RTN4: variants seen among roughly 807,000 people sequenced by gnomAD.
RTN4 encodes the protein reticulon 4, also known as reticulon-4.
A neutral mutation model predicts 90.4 loss-of-function variants in RTN4; 32 were observed. That is an observed-to-expected ratio of 0.35 (90% confidence interval 0.27 to 0.48). The LOEUF (loss-of-function observed/expected upper bound fraction) is 0.48, where lower values mean the gene tolerates loss of function less well. Among genes scored for constraint, RTN4 ranks in the 20% least tolerant of loss-of-function variants. RTN4 has a pLI of 0.99. For synonymous variants in RTN4, 629 were observed against 552.5 expected (o/e 1.14, Z -1.94); for missense variants, 1,706 against 1,430.2 (o/e 1.19, Z -3.11).
At chr2:55,126,127 G>T in the RTN4 span, among the ~76,000 whole-genome samples, 1 of 151,800 alleles carries the variant, frequency 6.6e-6, no homozygotes, top group Admixed American at 6.6e-5. Context: ...ACTTTGGGAG[G>T]CCAAGGAGGG....
chr2:55,039,982 T>A (rs1014958488), intron 1 of RTN4, among the ~76,000 whole-genome samples: 5 of 151,910 alleles, frequency 3.3e-5, no homozygotes, highest in African/African-American at 1.2e-4. Flanking sequence ...GGAACAAGAG[T>A]AAGTTTGGTT....
chr2:55,044,369 C>T lies in RTN4; in HGVS notation c.556+5376G>A, dbSNP rs565777252. Among the ~76,000 whole-genome samples the T allele has an allele frequency of 2.6e-5, 4 of 151,856 alleles. No homozygotes were observed. The South Asian group carries it at 6.2e-4, about 24-fold the overall frequency. On this transcript the variant is annotated intron_variant, in intron 1 of 8. Transcript: ENST00000337526. ...TCATGCCACTGCACTCCAGCCTGAG[C>T]GACAGAGTAAGACTCTGTCTCAAAA...
chr2:55,102,043 CT>C (rs1436799367), intron 1 of RTN4, among the ~76,000 whole-genome samples: 1 of 152,058 alleles, frequency 6.6e-6, no homozygotes, highest in Admixed American at 6.6e-5. Context: ...CAAAAAAAGG[CT>C]TCTGCTTTTA....
At chr2:55,002,044 T>C (rs913212567) in intron 3 of RTN4, among the ~76,000 whole-genome samples, 1 of 148,816 alleles carries the variant, frequency 6.7e-6, no homozygotes, top group Non-Finnish European at 1.5e-5. Context: ...GTCAATCAAA[T>C]CTTATTTTAT....
chr2:55,026,366 T>C lies in RTN4; in HGVS notation c.1733A>G (p.Asp578Gly), dbSNP rs1427402207. 3 of 1,613,930 alleles carry C rather than the reference T, an allele frequency of 1.9e-6. No homozygotes were observed. In the South Asian group the frequency reaches 3.3e-5, roughly 18 times the overall value. Residue 578 changes from aspartate to glycine, a missense_variant, in exon 3 of 9, where the codon GAC becomes GGC. Asp to Gly is a moderately conservative substitution (Grantham distance 94). Coordinates refer to ENST00000337526, the MANE Select transcript of RTN4 (RefSeq NM_020532.5). ...CATAACTTCTGATGTTTGAACCAAG[T>C]CCATTTTTGTTTCATAAGCAATCTT... The part of the protein sequence containing the change: ...GTKIAYETKM[D>G]LVQTSEVMQE...
Position 55,026,166 on chromosome 2 carries a change from T to C in RTN4, c.1933A>G (p.Asn645Asp). Residue 645 changes from asparagine to aspartate, a missense_variant, in exon 3 of 9, where the codon AAT becomes GAT. Coordinates refer to ENST00000337526, the MANE Select transcript of RTN4 (RefSeq NM_020532.5). ...SSSPLEASSVNYESIKHEPEN... is the reference protein window; with the variant it reads ...SSSPLEASSVDYESIKHEPEN... ...GGCTCATGTTTTATGCTTTCATAAT[T>C]AACTGAAGAAGCTTCTAATGGTGAT... is the stretch of plus-strand genomic sequence containing the variant. 6.2e-7 allele frequency: 1 copy of C among 1,613,548 alleles called. No homozygotes were observed. The highest frequency in any genetic ancestry group is 8.5e-7 in the Non-Finnish European group (1 of 1,179,794).
At chr2:54,986,389 T>G (rs1240166494) in intron 4 of RTN4, among the ~76,000 whole-genome samples, 1 of 152,224 alleles carries the variant, frequency 6.6e-6, no homozygotes, top group Non-Finnish European at 1.5e-5. Flanking sequence ...ATATGGTCTC[T>G]CTTAAAACTA....
intron 1 of RTN4, among the ~76,000 whole-genome samples, chr2:55,033,189 C>A (rs1369855030): frequency 2.6e-5 from 4 of 151,920 alleles, no homozygotes; most frequent in Non-Finnish European, 5.9e-5. Flanking sequence ...CCATAAGGGT[C>A]AAACTGAAAA....
rs1681803853 is a variant in RTN4, at chr2:55,025,785, T to C, written c.2314A>G (p.Thr772Ala). ...ATCATTGACTCAAATGAAGTCTCAG[T>C]GAGACTTTCTTTCACAAGCATCACA... ...ETVMLVKESL[T>A]ETSFESMIEY... Residue 772 changes from threonine (T) to alanine (A), a missense_variant, in exon 3 of 9, where the codon ACT (threonine) becomes GCT (alanine). By Grantham distance (58) the Thr-to-Ala change is moderately conservative. Transcript: ENST00000337526. The C allele has an allele frequency of 6.2e-7, 1 of 1,613,518 alleles. No individual in the cohort carries two copies. The highest frequency in any genetic ancestry group is 1.3e-5 in the African/African-American group (1 of 74,882).
At chr2:55,023,698 C>A (rs987865913) in intron 3 of RTN4, among the ~76,000 whole-genome samples, 1 of 152,004 alleles carries the variant, frequency 6.6e-6, no homozygotes, top group African/African-American at 2.4e-5. Flanking sequence ...TTTAATTTTT[C>A]TCCAATAAAA....
chr2:54,978,421 ACT>A (rs1394953394), intron 5 of RTN4, among the ~76,000 whole-genome samples: 2 of 126,196 alleles, frequency 1.6e-5, no homozygotes, highest in Non-Finnish European at 3.2e-5. Flanking sequence ...ACACAGCGAG[ACT>A]CTATCTCCAA....
Position 55,045,012 on chromosome 2 carries a change from T to C in RTN4, c.556+4733A>G, listed in dbSNP as rs80198327. Among the ~76,000 whole-genome samples, 32 of 152,278 alleles carry C rather than the reference T, an allele frequency of 2.1e-4. No individual in the cohort carries two copies. The East Asian group carries it at 6.0e-3, about 28-fold the overall frequency. ...TAGAAGCATCCACTTCCTGGGAACTTGGACTTTATATTAAGAACTGATACC... is the reference window on the plus strand; with the variant it reads ...TAGAAGCATCCACTTCCTGGGAACTCGGACTTTATATTAAGAACTGATACC... On this transcript the variant is annotated intron_variant, in intron 1 of 8. Transcript: ENST00000337526.
chr2:54,984,222 C>T (rs990712308), intron 4 of RTN4, among the ~76,000 whole-genome samples: 3 of 152,084 alleles, frequency 2.0e-5, no homozygotes, highest in Non-Finnish European at 4.4e-5. Flanking sequence ...ACAATGCTTT[C>T]TTTTGTGTTA....
At chr2:55,003,710 G>A (rs1393958554) in intron 3 of RTN4, among the ~76,000 whole-genome samples, 1 of 152,140 alleles carries the variant, frequency 6.6e-6, no homozygotes, top group Admixed American at 6.5e-5. Flanking sequence ...AATGTAGCTA[G>A]ACCTATGATG....
intron 3 of RTN4, among the ~76,000 whole-genome samples, chr2:55,009,660 C>T (rs1680490109): frequency 6.6e-6 from 1 of 152,198 alleles, no homozygotes; most frequent in African/African-American, 2.4e-5. Context: ...ACTGCAAACA[C>T]AATATCTTGC....
chr2:55,056,305 G>A (rs553917532), intron 2 of RTN4, among the ~76,000 whole-genome samples: 2 of 151,990 alleles, frequency 1.3e-5, no homozygotes, highest in East Asian at 1.9e-4. Flanking sequence ...GGATCAGATC[G>A]GCTGTCATGG....
chr2:55,045,655 T>TA (rs1015433333), intron 1 of RTN4, among the ~76,000 whole-genome samples: 10 of 151,728 alleles, frequency 6.6e-5, no homozygotes, highest in South Asian at 2.1e-4. Flanking sequence ...AAACAACAAT[T>TA]AAAAAAAACA....
At chr2:55,019,086 T>C (rs775941464) in intron 3 of RTN4, among the ~76,000 whole-genome samples, 1 of 152,022 alleles carries the variant, frequency 6.6e-6, no homozygotes, top group Non-Finnish European at 1.5e-5. Flanking sequence ...CCTCAAAATA[T>C]GCAATAATTT....
the RTN4 span, among the ~76,000 whole-genome samples, chr2:55,136,109 GA>G: frequency 6.6e-6 from 1 of 152,138 alleles, no homozygotes; most frequent in Non-Finnish European, 1.5e-5. Flanking sequence ...CCAATAGATA[GA>G]AAACACCTAA....
Sources: allele counts gnomAD v4.1 joint callset (sites outside exome capture counted in the v4.1 genomes callset), GRCh38; gene constraint gnomAD v4.1.1; transcripts MANE v1.5; gene names NCBI Gene and HGNC (gene_info 2026-07-23, HGNC 2026-07-21).